C12orf56: variants seen among roughly 807,000 people sequenced by gnomAD.
C12orf56 encodes chromosome 12 open reading frame 56, also known as uncharacterized protein C12orf56.
A neutral mutation model predicts 69.9 loss-of-function variants in C12orf56; 71 were observed. The observed-to-expected ratio is 1.02, with a 90% CI of 0.84 to 1.24. C12orf56 has a LOEUF of 1.24. Ranked by LOEUF, C12orf56 falls within the 50% of genes most tolerant of loss-of-function variation. The pLI is 0.00. For missense variants in C12orf56, 732 were observed against 738.5 expected, an observed-to-expected ratio of 0.99 and a Z score of 0.10; for synonymous variants, 276 against 274.1, an observed-to-expected ratio of 1.01 and a Z score of -0.07.
chr12:64,295,677 A>G (rs928914021), intron 6 of C12orf56, among the ~76,000 whole-genome samples: 2 of 152,028 alleles, frequency 1.3e-5, no homozygotes, highest in African/African-American at 4.8e-5. Context: ...TCTCAAAAAA[A>G]AAAAGAAAAC....
rs2039352108 is a variant in C12orf56, at chr12:64,358,482, A to ATCATC, written c.253-5427_253-5426insGATGA. ...CAAAAGTAATAATAATAATAATAAT[A>ATCATC]ATCATCATCATCATCATCATCATCA... On this transcript the variant is annotated intron_variant, in intron 1 of 12. Coordinates refer to ENST00000543942, the MANE Select transcript of C12orf56 (RefSeq NM_001170633.2). Among the ~76,000 whole-genome samples, 501 of 125,934 alleles carry ATCATC rather than the reference A, an allele frequency of 4.0e-3. 1 individual carries two copies. The highest frequency in any genetic ancestry group is 0.014 in the African/African-American group (474 of 33,238). The allele number at this position is 125,934 out of a possible 152,430, so 82.6% of individuals were successfully genotyped here.
intron 1 of C12orf56, among the ~76,000 whole-genome samples, chr12:64,371,172 C>T (rs2039565599): frequency 6.6e-6 from 1 of 152,132 alleles, no homozygotes; most frequent in African/African-American, 2.4e-5. Context: ...GAGGCCGAGG[C>T]TGGTGGATCA....
intron 12 of C12orf56, among the ~76,000 whole-genome samples, chr12:64,270,108 C>CA (rs1446424157): frequency 2.7e-5 from 4 of 150,628 alleles, no homozygotes; most frequent in Non-Finnish European, 4.4e-5. Flanking sequence ...TTATTAAAAA[C>CA]AAAAATAGGC....
At chr12:64,359,147 C>T (rs2039362887) in intron 1 of C12orf56, among the ~76,000 whole-genome samples, 1 of 152,148 alleles carries the variant, frequency 6.6e-6, no homozygotes, top group African/African-American at 2.4e-5. Context: ...AAGATGCCCT[C>T]CCTATATCCA....
chr12:64,306,000 CA>C (rs2136810029), intron 5 of C12orf56, among the ~76,000 whole-genome samples: 1 of 152,226 alleles, frequency 6.6e-6, no homozygotes, highest in African/African-American at 2.4e-5. Context: ...AGATCCGCAA[CA>C]AAAATAAACT....
chr12:64,345,574 T>C (rs555657279), intron 2 of C12orf56, among the ~76,000 whole-genome samples: 1 of 152,330 alleles, frequency 6.6e-6, no homozygotes, highest in Non-Finnish European at 1.5e-5. Context: ...GTATCTTCCA[T>C]TGCAGGTCAG....
At chr12:64,340,115 C>A (rs781132646) in intron 2 of C12orf56, among the ~76,000 whole-genome samples, 1 of 152,042 alleles carries the variant, frequency 6.6e-6, no homozygotes, top group Non-Finnish European at 1.5e-5. Context: ...AGTCCGAGTT[C>A]CAAAACTGAA....
intron 3 of C12orf56, among the ~76,000 whole-genome samples, chr12:64,330,024 T>A (rs1203883902): frequency 6.6e-6 from 1 of 152,158 alleles, no homozygotes; most frequent in Non-Finnish European, 1.5e-5. Context: ...TGATTTGTAG[T>A]CCTTTGGGTA....
chr12:64,355,308 A>C (rs2039295448), intron 1 of C12orf56, among the ~76,000 whole-genome samples: 1 of 152,184 alleles, frequency 6.6e-6, no homozygotes, highest in Admixed American at 6.5e-5. Flanking sequence ...ATCTACTCAA[A>C]TTCAATTTTT....
At chr12:64,327,357 G>C (rs1049004288) in intron 3 of C12orf56, among the ~76,000 whole-genome samples, 3 of 152,158 alleles carry the variant, frequency 2.0e-5, no homozygotes, top group Non-Finnish European at 4.4e-5. Flanking sequence ...TGTGTTGAGA[G>C]CTGGAAGTAG....
At chr12:64,337,855 A>C (rs80192762) in intron 2 of C12orf56, among the ~76,000 whole-genome samples, 1 of 80,704 alleles carries the variant, frequency 1.2e-5, no homozygotes, top group Non-Finnish European at 2.5e-5. Context: ...AAATTCTGTC[A>C]AAAAAAAAAA....
intron 1 of C12orf56, among the ~76,000 whole-genome samples, chr12:64,358,421 G>T (rs1481137534): frequency 1.3e-5 from 2 of 150,892 alleles, no homozygotes; most frequent in Non-Finnish European, 2.9e-5. Context: ...TCATGCCACT[G>T]CAATCCAGCC....
intron 5 of C12orf56, among the ~76,000 whole-genome samples, chr12:64,305,004 CAA>C (rs1358576302): frequency 6.6e-6 from 1 of 152,080 alleles, no homozygotes; most frequent in Non-Finnish European, 1.5e-5. Flanking sequence ...CCGTTTATCC[CAA>C]TACTAGCTAC....
At chr12:64,283,647 T>TC (rs933244399) in intron 8 of C12orf56, among the ~76,000 whole-genome samples, 26 of 118,634 alleles carry the variant, frequency 2.2e-4, no homozygotes, top group African/African-American at 4.5e-4. Context: ...CTTCTCTCTC[T>TC]TTTTTTTTTT....
chr12:64,357,979 G>A (rs1222187337), intron 1 of C12orf56, among the ~76,000 whole-genome samples: 1 of 152,156 alleles, frequency 6.6e-6, no homozygotes, highest in Non-Finnish European at 1.5e-5. Flanking sequence ...CTCCATCACT[G>A]TAAGGTGATA....
chr12:64,326,687 C>A (rs1420349343), intron 3 of C12orf56, among the ~76,000 whole-genome samples: 2 of 151,514 alleles, frequency 1.3e-5, no homozygotes, highest in Non-Finnish European at 2.9e-5. Flanking sequence ...TTGCAGTGAG[C>A]CAAGATTGAG....
At chr12:64,354,950 T>G (rs997759528) in intron 1 of C12orf56, among the ~76,000 whole-genome samples, 1 of 151,292 alleles carries the variant, frequency 6.6e-6, no homozygotes, top group African/African-American at 2.4e-5. Context: ...TGGTGGTGCA[T>G]GCCTGTAGTC....
chr12:64,312,830 T>C (rs1261893867), intron 4 of C12orf56, 78 bp from the exon 5 acceptor site: 1 of 1,058,204 alleles, frequency 9.4e-7, no homozygotes, highest in Non-Finnish European at 1.4e-6. Context: ...GTCAATGTTA[T>C]GTATCTATTC....
intron 3 of C12orf56, among the ~76,000 whole-genome samples, chr12:64,328,532 T>C (rs1238692579): frequency 1.3e-5 from 2 of 151,134 alleles, no homozygotes; most frequent in Admixed American, 6.6e-5. Flanking sequence ...TACAAAAAAT[T>C]AGCTGGACAT....
Sources: gnomAD v4.1 joint callset for allele counts (sites outside exome capture counted in the v4.1 genomes callset) on GRCh38, gnomAD v4.1.1 for gene constraint, MANE v1.5 for transcripts, NCBI Gene and HGNC (gene_info 2026-07-23, HGNC 2026-07-21) for gene names.